The following NR2F1-AS1 variants were observed in gnomAD, a reference collection of about 807,000 sequenced individuals.
NR2F1-AS1 encodes the protein NR2F1 antisense RNA 1.
intron 2 of NR2F1-AS1, among the ~76,000 whole-genome samples, chr5:93,559,140 G>T (rs1240535752): frequency 6.6e-6 from 1 of 152,202 alleles, no homozygotes; most frequent in Non-Finnish European, 1.5e-5. Context: ...TATGTTGTTT[G>T]TTGTAACCAC....
chr5:93,572,264 A>G (rs368590965), intron 1 of NR2F1-AS1, among the ~76,000 whole-genome samples: 13 of 152,318 alleles, frequency 8.5e-5, no homozygotes, highest in African/African-American at 3.1e-4. Flanking sequence ...AGGTTGTCCA[A>G]GCAGCGGAAC....
chr5:93,493,499 C>T (rs1379628973), intron 4 of NR2F1-AS1, among the ~76,000 whole-genome samples: 1 of 151,864 alleles, frequency 6.6e-6, no homozygotes, highest in African/African-American at 2.4e-5. Flanking sequence ...TCTACAGTTC[C>T]TCAAATTCAT....
At chr5:93,538,651 T>C (rs1202233406) in intron 4 of NR2F1-AS1, among the ~76,000 whole-genome samples, 1 of 152,208 alleles carries the variant, frequency 6.6e-6, no homozygotes, top group Non-Finnish European at 1.5e-5. Context: ...CATTTATTCC[T>C]TGATTTAATG....
intron 4 of NR2F1-AS1, among the ~76,000 whole-genome samples, chr5:93,498,740 A>T (rs1751016032): frequency 6.6e-6 from 1 of 152,156 alleles, no homozygotes; most frequent in African/African-American, 2.4e-5. Flanking sequence ...ACACAAGTAA[A>T]AGAAACACAA....
At chr5:93,467,038 T>C (rs1375404021) in intron 4 of NR2F1-AS1, among the ~76,000 whole-genome samples, 1 of 151,500 alleles carries the variant, frequency 6.6e-6, no homozygotes, top group Non-Finnish European at 1.5e-5. Context: ...GCAGCTGGGA[T>C]TACAGGCGCC....
chr5:93,475,636 C>T (rs1750467969), intron 4 of NR2F1-AS1, among the ~76,000 whole-genome samples: 1 of 152,048 alleles, frequency 6.6e-6, no homozygotes, highest in African/African-American at 2.4e-5. Flanking sequence ...ATTAAATATT[C>T]CTGTCATTAA....
intron 4 of NR2F1-AS1, among the ~76,000 whole-genome samples, chr5:93,473,258 A>C (rs1279199338): frequency 6.6e-6 from 1 of 151,966 alleles, no homozygotes; most frequent in Non-Finnish European, 1.5e-5. Flanking sequence ...TGCCATATAT[A>C]AGGTAAACCA....
intron 4 of NR2F1-AS1, among the ~76,000 whole-genome samples, chr5:93,437,536 T>A (rs1034612284): frequency 1.9e-4 from 29 of 152,180 alleles, no homozygotes; most frequent in Non-Finnish European, 3.4e-4. Flanking sequence ...AAAGTCACAG[T>A]TATAAGGCCA....
chr5:93,409,414 A>G (rs577597206), intron 4 of NR2F1-AS1: 1 of 152,358 alleles, frequency 6.6e-6, no homozygotes, highest in South Asian at 2.1e-4. Context: ...GTAAGCTACC[A>G]ACCCCTAAGT....
chr5:93,581,727 TCTCTCTCC>T (rs1753053613), upstream of NR2F1-AS1, among the ~76,000 whole-genome samples: 13 of 44,104 alleles, frequency 2.9e-4, 3 homozygotes, highest in African/African-American at 1.5e-3. Flanking sequence ...TCTCTCTCTC[TCTCTCTCC>T]CCCTCTCCCT....
At chr5:93,474,022 T>C (rs1024685405) in intron 4 of NR2F1-AS1, among the ~76,000 whole-genome samples, 1 of 152,106 alleles carries the variant, frequency 6.6e-6, no homozygotes, top group Non-Finnish European at 1.5e-5. Flanking sequence ...ATTAAAACTA[T>C]ATTATTATTA....
chr5:93,565,882 AC>A (rs1752606949), intron 1 of NR2F1-AS1, among the ~76,000 whole-genome samples: 1 of 151,938 alleles, frequency 6.6e-6, no homozygotes, highest in Non-Finnish European at 1.5e-5. Flanking sequence ...ATATAAAAGT[AC>A]TACACAAATA....
chr5:93,578,794 T>C (rs1005740489), intron 1 of NR2F1-AS1, among the ~76,000 whole-genome samples: 2 of 152,192 alleles, frequency 1.3e-5, no homozygotes, highest in Admixed American at 6.5e-5. Flanking sequence ...GATTTCCCAA[T>C]TGGGGGATCT....
At chr5:93,585,386 A>G (rs1753212432), upstream of NR2F1-AS1, 8 of 1,614,042 alleles carry the variant, frequency 5.0e-6, no homozygotes, top group East Asian at 2.2e-5. Flanking sequence ...TAACTTACAC[A>G]TGCCGTGCCA....
chr5:93,507,559 T>G (rs1361144795), intron 4 of NR2F1-AS1, among the ~76,000 whole-genome samples: 1 of 152,136 alleles, frequency 6.6e-6, no homozygotes, highest in African/African-American at 2.4e-5. Flanking sequence ...GGTTTTACCA[T>G]GTTGGCCAGG....
chr5:93,572,990 C>T (rs889965257), intron 1 of NR2F1-AS1, among the ~76,000 whole-genome samples: 2 of 152,208 alleles, frequency 1.3e-5, no homozygotes, highest in African/African-American at 4.8e-5. Flanking sequence ...AGGTCTCCGC[C>T]CGACAATGCG....
chr5:93,440,460 C>G (rs1749543818), intron 4 of NR2F1-AS1, among the ~76,000 whole-genome samples: 1 of 152,184 alleles, frequency 6.6e-6, no homozygotes, highest in Non-Finnish European at 1.5e-5. Context: ...AATTCTTTCT[C>G]TCTACTTGTC....
At chr5:93,535,047 T>C (rs115721278) in intron 4 of NR2F1-AS1, among the ~76,000 whole-genome samples, 2,563 of 151,770 alleles carry the variant, frequency 0.017, 75 homozygotes, top group African/African-American at 0.059. Context: ...AAAGACTAAA[T>C]ACAATATCTG....
chr5:93,512,421 T>A (rs1428345878), intron 4 of NR2F1-AS1, among the ~76,000 whole-genome samples: 2 of 152,192 alleles, frequency 1.3e-5, no homozygotes, highest in Non-Finnish European at 2.9e-5. Flanking sequence ...TTTTAAAAAG[T>A]TTATAAAGTA....
Sources: gnomAD v4.1 joint callset for allele counts (sites outside exome capture counted in the v4.1 genomes callset) on GRCh38, gnomAD v4.1.1 for gene constraint, MANE v1.5 for transcripts, NCBI Gene and HGNC (gene_info 2026-07-23, HGNC 2026-07-21) for gene names.